R3HDM4: variants seen among roughly 807,000 people sequenced by gnomAD.
R3HDM4 encodes the protein R3H domain containing 4.
Under a neutral mutation model 31.3 loss-of-function variants are expected in R3HDM4, and 30 were observed. The observed-to-expected ratio is 0.96, with a 90% CI of 0.72 to 1.30. R3HDM4 has a LOEUF of 1.30. Ranked by LOEUF, R3HDM4 falls within the 50% of genes most tolerant of loss-of-function variation. The pLI, the probability that R3HDM4 is intolerant of heterozygous loss-of-function variation, is 0.00. For synonymous variants in R3HDM4, 196 were observed against 156.6 expected (o/e 1.25, Z -1.88); for missense variants, 444 against 366.1 (o/e 1.21, Z -1.74).
chr19:897,753 G>T (rs927185663), intron 7 of R3HDM4, among the ~76,000 whole-genome samples: 1 of 152,194 alleles, frequency 6.6e-6, no homozygotes, highest in Non-Finnish European at 1.5e-5. Flanking sequence ...CACTCTCCTC[G>T]GGCCCATCTC....
At chr19:908,689 G>A (rs1469414199) in intron 1 of R3HDM4, among the ~76,000 whole-genome samples, 1 of 152,052 alleles carries the variant, frequency 6.6e-6, no homozygotes, top group Admixed American at 6.6e-5. Context: ...CAAACTCAGG[G>A]AGCCCCGGTC....
Position 900,121 on chromosome 19 carries a change from C to G in R3HDM4, c.501G>C (p.Glu167Asp). 6.2e-7 allele frequency: 1 copy of G among 1,602,008 alleles called. No homozygotes were observed. ...GACGCCGGCTGATGCGCTGGAAGCA[C>G]TCGCGGGGTGTATAGGCGGGGTCCT... ...RREDPAYTPRECFQRISRRLR... is the reference protein window; with the variant it reads ...RREDPAYTPRDCFQRISRRLR... The change falls in exon 5 of 8, where the codon GAG becomes GAC. Residue 167 changes from glutamate (E) to aspartate (D), a missense_variant. Physicochemically the swap from Glu to Asp is conservative, Grantham distance 45 (BLOSUM62 2). Coordinates refer to ENST00000361574, the MANE Select transcript of R3HDM4 (RefSeq NM_138774.4).
intron 7 of R3HDM4, among the ~76,000 whole-genome samples, 160 bp from the exon 8 acceptor site, chr19:897,700 C>T (rs1039248180): frequency 2.0e-5 from 3 of 152,246 alleles, no homozygotes; most frequent in Non-Finnish European, 4.4e-5. Flanking sequence ...CCCGCAGGTC[C>T]GGGAGCCTGG....
Position 907,202 on chromosome 19 carries a change from G to A in R3HDM4, c.72-5072C>T, listed in dbSNP as rs545803651. ...GAGGGCAGCTGGAGAAGGAGGTGGT[G>A]GACCATGCCCTCAGCACAGAGCACA... On this transcript the variant is annotated intron_variant, in intron 1 of 7. Coordinates refer to ENST00000361574, the MANE Select transcript of R3HDM4 (RefSeq NM_138774.4). This position sits in a 1 kb window ranked among gnomAD's most constrained non-coding sequence, Gnocchi z 4.1. 3.3e-5 allele frequency among the ~76,000 whole-genome samples: 5 copies of A among 152,278 alleles called. No homozygotes were observed. Among genetic ancestry groups the A allele is most frequent in the Non-Finnish European group, 5.9e-5 (4 of 68,026 alleles).
At chr19:901,047 G>C in intron 3 of R3HDM4, 95 bp from the exon 4 acceptor site, 1 of 1,420,978 alleles carries the variant, frequency 7.0e-7, no homozygotes, top group Non-Finnish European at 9.4e-7. Flanking sequence ...CCAAGCACGT[G>C]GACGCGCTCC....
In R3HDM4 at chr19:899,469, A is replaced by G; in HGVS notation, c.674T>C (p.Val225Ala). Reference sequence around the variant, plus strand: ...CGAGATGAGGTCCATGTACTGGCAGACAGCGTGCAGCAGAAGCCTCTCGAA... The same window carrying G: ...CGAGATGAGGTCCATGTACTGGCAGGCAGCGTGCAGCAGAAGCCTCTCGAA... ...NSFERLLLHA[V>A]CQYMDLISAS... The change falls in exon 7 of 8, where the codon GTC (valine) becomes GCC (alanine). Residue 225 changes from valine to alanine, a missense_variant. Coordinates refer to ENST00000361574, the MANE Select transcript of R3HDM4 (RefSeq NM_138774.4). The surrounding 1 kb of genome is among the most constrained non-coding windows in gnomAD (Gnocchi z 6.8). 6.2e-7 allele frequency: 1 copy of G among 1,613,680 alleles called. No individual in the cohort carries two copies. Among genetic ancestry groups the G allele is most frequent in the Non-Finnish European group, 8.5e-7 (1 of 1,179,956 alleles).
chr19:909,417 G>A (rs113326199), intron 1 of R3HDM4, among the ~76,000 whole-genome samples: 9 of 152,166 alleles, frequency 5.9e-5, no homozygotes, highest in South Asian at 4.2e-4. Flanking sequence ...GACACAGCTG[G>A]CAGGTAAACA....
intron 1 of R3HDM4, among the ~76,000 whole-genome samples, chr19:906,250 C>T (rs867095627): frequency 7.3e-4 from 107 of 145,640 alleles, no homozygotes; most frequent in African/African-American, 2.5e-3. Context: ...GACAGAGTCT[C>T]GCTCTGTCGC....
chr19:912,651 A>T (rs1159397669), intron 1 of R3HDM4, among the ~76,000 whole-genome samples: 1 of 84,160 alleles, frequency 1.2e-5, no homozygotes, highest in Non-Finnish European at 2.3e-5. Flanking sequence ...GGGGGCACGG[A>T]CCGAGGAGTT....
At chr19:901,074 C>G in intron 3 of R3HDM4, 122 bp from the exon 4 acceptor site, 2 of 1,241,124 alleles carry the variant, frequency 1.6e-6, no homozygotes, top group Non-Finnish European at 2.2e-6. Context: ...CACCTCTGTC[C>G]ACTGAGGGGC....
intron 3 of R3HDM4, 153 bp downstream of exon 3, chr19:901,269 G>T: frequency 1.1e-6 from 1 of 876,538 alleles, no homozygotes; most frequent in Non-Finnish European, 1.7e-6. Flanking sequence ...TTCTGGCCTG[G>T]TCTGGGGACC....
chr19:901,516 T>G lies in R3HDM4; in HGVS notation c.257A>C (p.Asp86Ala). 1 of 1,608,034 alleles carries G rather than the reference T, an allele frequency of 6.2e-7. No individual in the cohort carries two copies. The highest frequency in any genetic ancestry group is 8.5e-7 in the Non-Finnish European group (1 of 1,179,748). ...ATCCTCCAGGCCAGGCAGGCCCCCG[T>G]CTGTCTCCAGCAGGGTCAGGAGGTA... ...TQYLLTLLETDGGLPGLEDGD... is the reference protein window; with the variant it reads ...TQYLLTLLETAGGLPGLEDGD... Residue 86 changes from aspartate to alanine, a missense_variant, in exon 3 of 8, where the codon GAC (aspartate) becomes GCC (alanine). Coordinates refer to ENST00000361574, the MANE Select transcript of R3HDM4 (RefSeq NM_138774.4).
At position 900,064 on chromosome 19, in the gene R3HDM4, G is replaced by A; in HGVS notation, c.558C>T (p.Pro186=). 1 of 1,611,898 alleles carries A rather than the reference G, an allele frequency of 6.2e-7. No homozygotes were observed. The highest frequency in any genetic ancestry group is 8.5e-7 in the Non-Finnish European group (1 of 1,179,232). ...GGCCCGGCAATCCCCCACTCACCAT[G>A]GGGATGCGGCTGCGCTTGAGGACGG... ...LRAVLKRSRI[P]METLETWEER... Residue 186 remains proline, a synonymous_variant, in exon 5 of 8, where the codon CCC becomes CCT. Transcript: ENST00000361574.
chr19:900,035 G>A, intron 5 of R3HDM4, 26 bp downstream of exon 5: 1 of 1,607,858 alleles, frequency 6.2e-7, no homozygotes, highest in Non-Finnish European at 8.5e-7. Flanking sequence ...AGGTAGAAAA[G>A]GGAGGCCCGG....
intron 4 of R3HDM4, among the ~76,000 whole-genome samples, chr19:900,626 G>T (rs532647509): frequency 1.3e-5 from 1 of 74,118 alleles, no homozygotes; most frequent in Non-Finnish European, 2.7e-5. Context: ...TCCATATCCT[G>T]CCCCCCATCG....
At position 908,003 on chromosome 19, in the gene R3HDM4, G is replaced by A. The variant is rs544920599; in HGVS notation, c.71+5084C>T. Reference sequence around the variant, plus strand: ...AGGTCAAGAGATGGAGACCATCCTGGCCAACATGGTAAAACCCTGTCTCTA... The same window carrying A: ...AGGTCAAGAGATGGAGACCATCCTGACCAACATGGTAAAACCCTGTCTCTA... On this transcript the variant is annotated intron_variant, in intron 1 of 7. Transcript: ENST00000361574. Among the ~76,000 whole-genome samples, 8 of 152,164 alleles carry A rather than the reference G, an allele frequency of 5.3e-5. No individual in the cohort carries two copies. The South Asian group carries it at 1.7e-3, about 32-fold the overall frequency.
Position 900,059 on chromosome 19 carries a change from A to C in R3HDM4, c.561+2T>G. On this transcript the variant is annotated splice_donor_variant, in intron 5 of 7. Transcript: ENST00000361574. LOFTEE classifies it high-confidence loss of function. Reference sequence around the variant, plus strand: ...AGGGAGGCCCGGCAATCCCCCACTCACCATGGGGATGCGGCTGCGCTTGAG... The same window carrying C: ...AGGGAGGCCCGGCAATCCCCCACTCCCCATGGGGATGCGGCTGCGCTTGAG... 1.9e-6 allele frequency: 3 copies of C among 1,610,498 alleles called. No homozygotes were observed. The highest frequency in any genetic ancestry group is 1.7e-6 in the Non-Finnish European group (2 of 1,178,310).
At chr19:904,161 A>G (rs999836501) in intron 1 of R3HDM4, among the ~76,000 whole-genome samples, 2 of 151,986 alleles carry the variant, frequency 1.3e-5, no homozygotes, top group Admixed American at 6.6e-5. Flanking sequence ...GATCGGCTCC[A>G]CCCTTATCTC....
chr19:897,498 C>T lies in R3HDM4; in HGVS notation c.746G>A (p.Arg249Gln), dbSNP rs767745035. The T allele has an allele frequency of 1.4e-5, 22 of 1,613,092 alleles. No homozygotes were observed. The Admixed American group carries it at 1.7e-4, about 12-fold the overall frequency. The change falls in exon 8 of 8, where the codon CGG (arginine) becomes CAG (glutamine). Residue 249 changes from arginine (R) to glutamine (Q), a missense_variant. By Grantham distance (43) the Arg-to-Gln change is conservative. Transcript: ENST00000361574. The stretch of plus-strand genomic sequence containing the variant: ...CCCCGGCGGCAGGAAATCCAGGTGC[C>T]GATTACTGACCTTCATCTGCCGCTT... ...EGKRQMKVSN[R>Q]HLDFLPPGLL... is the part of the protein sequence containing the mutation.
Sources: allele counts gnomAD v4.1 joint callset (sites outside exome capture counted in the v4.1 genomes callset), GRCh38; gene constraint gnomAD v4.1.1; non-coding constraint Gnocchi (gnomAD v3.1); transcripts MANE v1.5; gene names NCBI Gene and HGNC (gene_info 2026-07-23, HGNC 2026-07-21).